The following ELMO1 variants were observed in gnomAD, a reference collection of about 807,000 sequenced individuals.
The protein encoded by ELMO1 is engulfment and cell motility protein 1.
A neutral mutation model predicts 98.9 loss-of-function variants in ELMO1; 26 were observed. The ratio of observed to expected loss-of-function variants is 0.26; its 90% CI spans 0.19 to 0.36. The LOEUF is 0.36. Ranked by LOEUF, ELMO1 falls within the 10% of genes least tolerant of loss-of-function variation. The pLI is 1.00. For synonymous variants in ELMO1, 346 were observed against 346.0 expected (o/e 1.00, Z 0.00); for missense variants, 627 against 935.2 (o/e 0.67, Z 4.30).
At chr7:37,389,569 G>A (rs1802974274) in intron 1 of ELMO1, among the ~76,000 whole-genome samples, 1 of 152,108 alleles carries the variant, frequency 6.6e-6, no homozygotes, top group Non-Finnish European at 1.5e-5. Flanking sequence ...TCAGGCAAGC[G>A]AGAGTCTCGA....
chr7:37,420,753 G>A (rs142850360), intron 1 of ELMO1, among the ~76,000 whole-genome samples: 16 of 152,332 alleles, frequency 1.1e-4, no homozygotes, highest in African/African-American at 3.8e-4. Context: ...TTATTGTATT[G>A]TCACTGATAT....
chr7:36,928,858 G>A (rs143840023), intron 16 of ELMO1, among the ~76,000 whole-genome samples: 1 of 152,306 alleles, frequency 6.6e-6, no homozygotes, highest in East Asian at 1.9e-4. Context: ...ATGTACTAAA[G>A]TGTGGCATAT....
intron 4 of ELMO1, among the ~76,000 whole-genome samples, chr7:37,287,932 T>G (rs1488657214): frequency 2.0e-5 from 3 of 152,152 alleles, no homozygotes; most frequent in African/African-American, 7.2e-5. Context: ...TATCCTCCAG[T>G]CTTGGCTCAA....
At chr7:37,447,052 G>C (rs966711316) in intron 1 of ELMO1, among the ~76,000 whole-genome samples, 2 of 152,116 alleles carry the variant, frequency 1.3e-5, no homozygotes, top group African/African-American at 4.8e-5. Flanking sequence ...AACAACCTTG[G>C]AAAGTAGGCA....
At chr7:37,309,032 G>T (rs2131066171) in intron 4 of ELMO1, among the ~76,000 whole-genome samples, 1 of 152,306 alleles carries the variant, frequency 6.6e-6, no homozygotes, top group South Asian at 2.1e-4. Context: ...AGGAAACCCT[G>T]AAGAGATAAA....
intron 13 of ELMO1, among the ~76,000 whole-genome samples, chr7:37,208,946 G>A (rs1792805492): frequency 6.6e-6 from 1 of 151,718 alleles, no homozygotes; most frequent in South Asian, 2.1e-4. Context: ...GCTTTTTCTA[G>A]GATGACTTTT....
At chr7:37,296,217 C>T (rs527540128) in intron 4 of ELMO1, among the ~76,000 whole-genome samples, 2 of 152,282 alleles carry the variant, frequency 1.3e-5, no homozygotes, top group South Asian at 2.1e-4. Context: ...CACATTCACT[C>T]AGGTTGTTGT....
intron 13 of ELMO1, among the ~76,000 whole-genome samples, chr7:37,188,498 A>ATAATAATAATAATAAT (rs71002402): frequency 7.1e-5 from 3 of 42,460 alleles, no homozygotes; most frequent in African/African-American, 1.6e-4. Flanking sequence ...AAAAAAAAAA[A>ATAATAATAATAATAAT]AAAAATAATA....
At chr7:37,423,121 G>A (rs1284204426) in intron 1 of ELMO1, among the ~76,000 whole-genome samples, 1 of 152,174 alleles carries the variant, frequency 6.6e-6, no homozygotes, top group Non-Finnish European at 1.5e-5. Context: ...CTGTGTTACA[G>A]GTTATCACCC....
chr7:37,298,260 G>C (rs1798151163), intron 4 of ELMO1, among the ~76,000 whole-genome samples: 1 of 149,930 alleles, frequency 6.7e-6, no homozygotes, highest in South Asian at 2.1e-4. Flanking sequence ...AATAAAAGTA[G>C]GTGGACAAGA....
At chr7:37,267,523 G>A (rs956068368) in intron 5 of ELMO1, among the ~76,000 whole-genome samples, 7 of 152,208 alleles carry the variant, frequency 4.6e-5, no homozygotes, top group African/African-American at 1.4e-4. Context: ...CAGCAGTACT[G>A]TTAAGACAAA....
intron 4 of ELMO1, among the ~76,000 whole-genome samples, chr7:37,309,862 C>T (rs980253111): frequency 6.6e-6 from 1 of 152,230 alleles, no homozygotes; most frequent in African/African-American, 2.4e-5. Context: ...TTGCTTACCT[C>T]TAAGCTTCAA....
intron 4 of ELMO1, among the ~76,000 whole-genome samples, chr7:37,275,049 A>G (rs1429277300): frequency 1.3e-5 from 2 of 152,234 alleles, no homozygotes; most frequent in Non-Finnish European, 2.9e-5. Flanking sequence ...TATTTGCCCA[A>G]CATCATGGAG....
intron 4 of ELMO1, among the ~76,000 whole-genome samples, chr7:37,298,320 T>C (rs1441038131): frequency 7.0e-6 from 1 of 143,364 alleles, no homozygotes; most frequent in Non-Finnish European, 1.5e-5. Flanking sequence ...TTTTTTATTA[T>C]ACTTTAAGTT....
chr7:37,073,041 A>G (rs1797367148), intron 15 of ELMO1, among the ~76,000 whole-genome samples: 1 of 152,246 alleles, frequency 6.6e-6, no homozygotes, highest in Non-Finnish European at 1.5e-5. Flanking sequence ...AACTATACAT[A>G]CATGCCCACT....
intron 15 of ELMO1, among the ~76,000 whole-genome samples, chr7:37,086,743 CAAAAA>C (rs755237121): frequency 8.2e-5 from 4 of 48,818 alleles, no homozygotes; most frequent in African/African-American, 2.1e-4. Context: ...ATCCTGTCTC[CAAAAA>C]AAAAAAAAAA....
At chr7:37,249,984 C>G (rs1455888087) in intron 6 of ELMO1, among the ~76,000 whole-genome samples, 1 of 152,114 alleles carries the variant, frequency 6.6e-6, no homozygotes, top group Non-Finnish European at 1.5e-5. Flanking sequence ...GAGGCTGAGG[C>G]AGGAGGACTG....
intron 7 of ELMO1, among the ~76,000 whole-genome samples, chr7:37,237,291 T>C (rs1303531989): frequency 6.6e-6 from 1 of 152,148 alleles, no homozygotes; most frequent in Non-Finnish European, 1.5e-5. Context: ...AGAATTTTAT[T>C]TATTTATTTA....
At chr7:37,096,273 C>T (rs1471866652) in intron 15 of ELMO1, among the ~76,000 whole-genome samples, 2 of 152,106 alleles carry the variant, frequency 1.3e-5, no homozygotes, top group East Asian at 1.9e-4. Flanking sequence ...AAATGATCTA[C>T]TGGTAGGTTA....
Sources: gnomAD v4.1 joint callset for allele counts (sites outside exome capture counted in the v4.1 genomes callset) on GRCh38, gnomAD v4.1.1 for gene constraint, MANE v1.5 for transcripts, NCBI Gene and HGNC (gene_info 2026-07-23, HGNC 2026-07-21) for gene names.